The following ARHGAP40 variants were observed in gnomAD, a reference collection of about 807,000 sequenced individuals.
ARHGAP40 encodes the protein rho GTPase-activating protein 40.
ARHGAP40 carries 43 observed loss-of-function variants against 73.5 expected under a neutral mutation model. The observed-to-expected ratio is 0.58, with a 90% CI of 0.46 to 0.75. The LOEUF (loss-of-function observed/expected upper bound fraction) is 0.75. Among genes scored for constraint, ARHGAP40 ranks in the 30% least tolerant of loss-of-function variants. The pLI, the probability that ARHGAP40 is intolerant of heterozygous loss-of-function variation, is 0.00. For missense variants in ARHGAP40, 734 were observed against 861.8 expected (o/e 0.85, Z 1.86); for synonymous variants, 300 against 352.8 (o/e 0.85, Z 1.68).
chr20:38,625,026 C>A (rs112310659), intron 2 of ARHGAP40, among the ~76,000 whole-genome samples: 1 of 152,260 alleles, frequency 6.6e-6, no homozygotes, highest in African/African-American at 2.4e-5. Context: ...AATGAAAGGG[C>A]TCCACATGGA....
At chr20:38,629,558 G>A (rs1601143076) in exon 5 of ARHGAP40, 3 of 1,305,414 alleles carry the variant, frequency 2.3e-6, no homozygotes, top group East Asian at 5.5e-5. Flanking sequence ...CTTCAACATG[G>A]ACTCTGCCTA....
chr20:38,602,606 A>T (rs2088741990), intron 1 of ARHGAP40, among the ~76,000 whole-genome samples: 1 of 152,246 alleles, frequency 6.6e-6, no homozygotes, highest in African/African-American at 2.4e-5. Context: ...TGATTATTAT[A>T]GAAAGTCAAA....
chr20:38,632,363 T>C (rs546584096), intron 5 of ARHGAP40, among the ~76,000 whole-genome samples: 12 of 151,992 alleles, frequency 7.9e-5, no homozygotes, highest in African/African-American at 2.7e-4. Context: ...CCTGGGTTCA[T>C]GCCATTCTCC....
At chr20:38,618,460 C>T (rs546774148) in intron 1 of ARHGAP40, among the ~76,000 whole-genome samples, 152 of 152,242 alleles carry the variant, frequency 1.0e-3, no homozygotes, top group South Asian at 1.5e-3. Context: ...CTTAGTGGCA[C>T]ATAACAACCA....
chr20:38,614,639 C>T (rs749632748), intron 1 of ARHGAP40, among the ~76,000 whole-genome samples: 15 of 152,206 alleles, frequency 9.9e-5, no homozygotes, highest in Non-Finnish European at 1.9e-4. Context: ...GGGACAATAA[C>T]TTATTTGCCT....
chr20:38,642,229 T>C (rs1004846627), intron 10 of ARHGAP40, among the ~76,000 whole-genome samples: 1 of 152,216 alleles, frequency 6.6e-6, no homozygotes, highest in Non-Finnish European at 1.5e-5. Flanking sequence ...TCTTTTGTTG[T>C]GGAAAGCATT....
rs779714720 is a variant in ARHGAP40, at chr20:38,623,533, C to G, written c.312C>G (p.Gly104=). Residue 104 remains glycine (G), a synonymous_variant, in exon 2 of 15, where the codon GGC becomes GGG. Coordinates refer to ENST00000373345, the Ensembl canonical transcript of ARHGAP40. ...ATGAGCTGAGGGAAGAGGACAGTGG[C>G]GGGAATGAAGGCCAGCTTCCAGAGG... 6.2e-6 allele frequency: 8 copies of G among 1,289,418 alleles called. No homozygotes were observed. The East Asian group carries it at 4.5e-4, about 72-fold the overall frequency. The allele number at this position is 1,289,418 out of a possible 1,614,324, so 79.9% of individuals were successfully genotyped here. A position where few individuals can be genotyped will look rare whatever the true frequency, so the allele number is the denominator to read the frequency against.
intron 1 of ARHGAP40, among the ~76,000 whole-genome samples, chr20:38,611,413 CTTT>C (rs11482396): frequency 8.5e-6 from 1 of 118,330 alleles, no homozygotes; most frequent in Non-Finnish European, 1.7e-5. Flanking sequence ...CTATTTAAAA[CTTT>C]TTTTTTTTTT....
chr20:38,645,774 A>C (rs1405261539), intron 11 of ARHGAP40, among the ~76,000 whole-genome samples: 1 of 151,906 alleles, frequency 6.6e-6, no homozygotes, highest in African/African-American at 2.4e-5. Flanking sequence ...CAGGTGCAGG[A>C]CCCTCCAGCT....
intron 6 of ARHGAP40, among the ~76,000 whole-genome samples, chr20:38,637,241 A>C (rs185563063): frequency 6.6e-6 from 1 of 150,988 alleles, no homozygotes; most frequent in Non-Finnish European, 1.5e-5. Context: ...TGCCTCCTGG[A>C]TTCAAGCGAT....
intron 9 of ARHGAP40, among the ~76,000 whole-genome samples, chr20:38,640,308 T>C (rs1343864870): frequency 2.0e-5 from 3 of 151,320 alleles, no homozygotes; most frequent in African/African-American, 7.3e-5. Flanking sequence ...CCTTGAACTC[T>C]TGGGTTCAAG....
In ARHGAP40 at chr20:38,634,967, C is replaced by T. The variant is rs144262104; in HGVS notation, c.949+182C>T. Among the ~76,000 whole-genome samples the T allele has an allele frequency of 3.9e-3, 591 of 152,044 alleles. 3 individuals carry two copies. Among genetic ancestry groups the T allele is most frequent in the African/African-American group, 0.014 (561 of 41,482 alleles). On this transcript the variant is annotated intron_variant, in intron 6 of 14. Transcript: ENST00000373345. ...TGTGATCTCGGCTCACTGCAACCTC[C>T]GCCTCCCGGGTTCAAGCAATTCTTT...
chr20:38,618,749 C>A (rs1017264312), intron 1 of ARHGAP40, among the ~76,000 whole-genome samples: 3 of 152,086 alleles, frequency 2.0e-5, no homozygotes, highest in African/African-American at 7.2e-5. Context: ...AACATAGCAA[C>A]CCCTTCCAAG....
chr20:38,601,936 C>T lies in ARHGAP40; in HGVS notation c.-7C>T, dbSNP rs769435401. 641 of 1,287,668 alleles carry T rather than the reference C, an allele frequency of 5.0e-4. 1 individual carries two copies. The highest frequency in any genetic ancestry group is 6.1e-4 in the Non-Finnish European group (599 of 988,728). The allele number at this position is 1,287,668 out of a possible 1,614,324, so 79.8% of individuals were successfully genotyped here. A position where few individuals can be genotyped will look rare whatever the true frequency, so the allele number is the denominator to read the frequency against. Reference sequence around the variant, plus strand: ...ACGACCGACCGGGATCCTCGAGGTGCCAGCCCATGGCCGAGCCTGCCCTCC... The same window carrying T: ...ACGACCGACCGGGATCCTCGAGGTGTCAGCCCATGGCCGAGCCTGCCCTCC... On this transcript the variant is annotated 5_prime_UTR_variant, in exon 1 of 15. Coordinates refer to ENST00000373345, the Ensembl canonical transcript of ARHGAP40.
Position 38,646,275 on chromosome 20 carries a change from C to G in ARHGAP40, c.1710+88C>G. 1 of 1,188,476 alleles carries G rather than the reference C, an allele frequency of 8.4e-7. No individual in the cohort carries two copies. The highest frequency in any genetic ancestry group is 1.1e-6 in the Non-Finnish European group (1 of 931,006). 73.6% of individuals were successfully genotyped at this position (1,188,476 alleles called of 1,614,324 possible). A position where few individuals can be genotyped will look rare whatever the true frequency, so the allele number is the denominator to read the frequency against. Reference sequence around the variant, plus strand: ...GCGGTGCTTCCCTTCCTCCAGGTCCCCGCTACCGGGCTGCCAGCAACGGCC... The same window carrying G: ...GCGGTGCTTCCCTTCCTCCAGGTCCGCGCTACCGGGCTGCCAGCAACGGCC... On this transcript the variant is annotated intron_variant, in intron 12 of 14. Coordinates refer to ENST00000373345, the Ensembl canonical transcript of ARHGAP40. This position sits in a 1 kb window ranked among gnomAD's most constrained non-coding sequence, Gnocchi z 4.5.
At position 38,610,110 on chromosome 20, in the gene ARHGAP40, C is replaced by T. The variant is rs144803552; in HGVS notation, c.137+8031C>T. ...AAGACCAGATGTTCTTAATCTGGGG[C>T]TCAAGGATGGACCTTCAAAGATCCG... On this transcript the variant is annotated intron_variant, in intron 1 of 14. Transcript: ENST00000373345. 5.7e-3 allele frequency among the ~76,000 whole-genome samples: 862 copies of T among 152,294 alleles called. 5 individuals carry two copies. The highest frequency in any genetic ancestry group is 0.021 in the South Asian group (101 of 4,812).
chr20:38,644,229 C>G (rs926920092), intron 11 of ARHGAP40, among the ~76,000 whole-genome samples: 3 of 152,124 alleles, frequency 2.0e-5, no homozygotes, highest in Non-Finnish European at 1.5e-5. Context: ...AGCCCCATCC[C>G]TGAGGCCCAG....
At chr20:38,617,745 C>T (rs1323552535) in intron 1 of ARHGAP40, among the ~76,000 whole-genome samples, 5 of 152,220 alleles carry the variant, frequency 3.3e-5, no homozygotes, top group African/African-American at 1.2e-4. Context: ...AGAGGCCACT[C>T]ACTGGCTGGG....
At chr20:38,624,220 C>T (rs2088887926) in intron 2 of ARHGAP40, among the ~76,000 whole-genome samples, 1 of 151,960 alleles carries the variant, frequency 6.6e-6, no homozygotes, top group South Asian at 2.1e-4. Context: ...CATCAGGGGG[C>T]CTCATCTGGG....
Sources: gnomAD v4.1 joint callset for allele counts (sites outside exome capture counted in the v4.1 genomes callset) on GRCh38, gnomAD v4.1.1 for gene constraint, Gnocchi (gnomAD v3.1) non-coding constraint, MANE v1.5 for transcripts, NCBI Gene and HGNC (gene_info 2026-07-23, HGNC 2026-07-21) for gene names.